CHKB: variants seen among roughly 807,000 people sequenced by gnomAD.
CHKB encodes the protein choline kinase beta.
CHKB carries 45 observed loss-of-function variants against 57.3 expected under a neutral mutation model. The observed-to-expected ratio is 0.79, with a 90% confidence interval of 0.62 to 1.01. The LOEUF is 1.01. Among genes scored for constraint, CHKB ranks in the 50% least tolerant of loss-of-function variants. CHKB has a pLI of 0.00. For missense variants in CHKB, 517 were observed against 502.8 expected, an observed-to-expected ratio of 1.03 and a Z score of -0.27; for synonymous variants, 224 against 201.8, an observed-to-expected ratio of 1.11 and a Z score of -0.93.
rs540889063 is a variant in CHKB at position 50,582,842 on chromosome 22, T to C, written c.-61A>G. Reference sequence around the variant, plus strand: ...CTCCGCTCCCTTCGGACGGGCTCGGTTCCTTCCGGCCGCGCTCGGCTCCTC... The same window carrying C: ...CTCCGCTCCCTTCGGACGGGCTCGGCTCCTTCCGGCCGCGCTCGGCTCCTC... On this transcript the variant is annotated 5_prime_UTR_variant, in exon 1 of 11. Coordinates refer to ENST00000406938, the MANE Select transcript of CHKB (RefSeq NM_005198.5). 26 of 1,288,302 alleles carry C rather than the reference T, an allele frequency of 2.0e-5. No individual in the cohort carries two copies. Among genetic ancestry groups the C allele is most frequent in the Admixed American group, 6.1e-5 (2 of 32,938 alleles). The allele number at this position is 1,288,302 out of a possible 1,614,324, so 79.8% of individuals were successfully genotyped here.
intron 10 of CHKB, 85 bp downstream of exon 10, chr22:50,579,341 G>A (rs768208039): frequency 1.5e-5 from 24 of 1,579,108 alleles, no homozygotes; most frequent in African/African-American, 1.5e-4. Flanking sequence ...ACAGCCACCC[G>A]GGACTCCCCA....
In CHKB at chr22:50,578,964, GGGA is replaced by G. The variant is rs1443507644; in HGVS notation, c.*214_*216del. 2 of 608,420 alleles carry G rather than the reference GGGA, an allele frequency of 3.3e-6. No homozygotes were observed. The highest frequency in any genetic ancestry group is 5.2e-5 in the Admixed American group (2 of 38,294). 37.7% of individuals were successfully genotyped at this position (608,420 alleles called of 1,614,324 possible). ...CTGCTCAGCAGGGCCAGGACAGGGT[GGGA>G]AGAAGAAGCTTGTTTATTGTGTTAC... On this transcript the variant is annotated 3_prime_UTR_variant, in exon 11 of 11. Transcript: ENST00000406938.
chr22:50,582,662 C>G lies in CHKB; in HGVS notation c.120G>C (p.Ser40=), dbSNP rs1367743295. The G allele has an allele frequency of 1.2e-6, 2 of 1,608,746 alleles. No homozygotes were observed. The highest frequency in any genetic ancestry group is 8.5e-7 in the Non-Finnish European group (1 of 1,178,608). Residue 40 remains serine (S), a synonymous_variant, in exon 1 of 11, where the codon TCG becomes TCC. Coordinates refer to ENST00000406938, the MANE Select transcript of CHKB (RefSeq NM_005198.5). The stretch of plus-strand genomic sequence containing the variant: ...CTCGGCGCTCGGCGTCACGCGACAG[C>G]GACGAGGCGCGCCGCCGTTTTGGGG... ...DTTPKRRRAS[S]LSRDAERRAY...
At chr22:50,581,674 G>A (rs890161153) in intron 3 of CHKB, 75 bp downstream of exon 3, 1 of 1,576,202 alleles carries the variant, frequency 6.3e-7, no homozygotes, top group Non-Finnish European at 8.7e-7. Context: ...GGATGTGGAG[G>A]CAGACATTGG....
rs1028826818 is a variant in CHKB at position 50,580,193 on chromosome 22, T to C, written c.815A>G (p.Tyr272Cys). 1.5e-5 allele frequency: 25 copies of C among 1,613,666 alleles called. No homozygotes were observed. The highest frequency in any genetic ancestry group is 2.0e-5 in the Non-Finnish European group (24 of 1,179,898). ...GAAGCCATCTTTCCAGCCTCACCTA[T>C]AGTTATAACTGCTGTACTCGAAGTC... is the stretch of plus-strand genomic sequence containing the variant. ...LVDFEYSSYN[Y>C]RGFDIGNHFC... Residue 272 changes from tyrosine to cysteine, a missense_variant, in exon 7 of 11, where the codon TAT becomes TGT. By Grantham distance (194) the Tyr-to-Cys change is radical (BLOSUM62 -2). Coordinates refer to ENST00000406938, the MANE Select transcript of CHKB (RefSeq NM_005198.5).
rs753737479 is a variant in CHKB, at chr22:50,579,809, G to A, written c.949C>T (p.Leu317=). 8 of 1,613,816 alleles carry A rather than the reference G, an allele frequency of 5.0e-6. No individual in the cohort carries two copies. Among genetic ancestry groups the A allele is most frequent in the South Asian group, 2.2e-5 (2 of 91,078 alleles). The change falls in exon 9 of 11, where the codon CTG becomes TTG. Residue 317 remains leucine, a synonymous_variant. Coordinates refer to ENST00000406938, the MANE Select transcript of CHKB (RefSeq NM_005198.5). The part of the protein sequence containing the change: ...EQQLHFIRHY[L]AEAKKGETLS... ...GTCTCACCTTTCTTTGCCTCTGCCA[G>A]GTAATGACGAATAAAATGCAACTAC...
chr22:50,579,334 G>A, intron 10 of CHKB, 79 bp from the exon 11 acceptor site: 1 of 1,583,604 alleles, frequency 6.3e-7, no homozygotes, highest in South Asian at 1.1e-5. Flanking sequence ...GCTGCCCACA[G>A]CCACCCGGGA....
intron 9 of CHKB, 67 bp downstream of exon 9, chr22:50,579,660 A>G: frequency 1.3e-6 from 2 of 1,520,140 alleles, no homozygotes; most frequent in Non-Finnish European, 1.8e-6. Flanking sequence ...AGCTTGATAA[A>G]TCTGCCTCTT....
Position 50,581,769 on chromosome 22 carries a change from G to C in CHKB, c.427C>G (p.Arg143Gly), listed in dbSNP as rs1208511710. 1 of 1,613,790 alleles carries C rather than the reference G, an allele frequency of 6.2e-7. No homozygotes were observed. The highest frequency in any genetic ancestry group is 1.3e-5 in the African/African-American group (1 of 74,878). Residue 143 changes from arginine to glycine, a missense_variant, in exon 3 of 11, where the codon CGG becomes GGG. Coordinates refer to ENST00000406938, the MANE Select transcript of CHKB (RefSeq NM_005198.5). ...CGTACTGGGATGTACTGTTCCAGCC[G>C]GCCCTCTGGGAAGACTCCGTACAGC... ...PQLYGVFPEG[R>G]LEQYIPSRPL...
intron 10 of CHKB, 24 bp from the exon 11 acceptor site, chr22:50,579,279 A>G (rs527814172): frequency 3.7e-6 from 6 of 1,611,566 alleles, no homozygotes; most frequent in Middle Eastern, 1.7e-4. Flanking sequence ...CCCACCCCAC[A>G]CAGTGGTGAG....
At chr22:50,582,118 C>T in intron 2 of CHKB, 131 bp downstream of exon 2, 1 of 893,670 alleles carries the variant, frequency 1.1e-6, no homozygotes, top group South Asian at 1.5e-5. Flanking sequence ...GCCCAGGCTT[C>T]GGTGTAATGA....
Position 50,579,175 on chromosome 22 carries a change from G to T in CHKB, c.*6C>A. ...CAGGAGAAATCCAAGGAGTGGGAGG[G>T]TGGAGTCAGGATGAGGAGTGGACAC... is the stretch of plus-strand genomic sequence containing the variant. On this transcript the variant is annotated 3_prime_UTR_variant, in exon 11 of 11. Coordinates refer to ENST00000406938, the MANE Select transcript of CHKB (RefSeq NM_005198.5). 2 of 1,613,076 alleles carry T rather than the reference G, an allele frequency of 1.2e-6. No homozygotes were observed. Among genetic ancestry groups the T allele is most frequent in the Non-Finnish European group, 1.7e-6 (2 of 1,179,432 alleles).
At chr22:50,582,535 G>A (rs1281476336) in intron 1 of CHKB, 23 bp downstream of exon 1, 3 of 1,596,048 alleles carry the variant, frequency 1.9e-6, no homozygotes, top group Non-Finnish European at 2.6e-6. Flanking sequence ...GCGCACCGGA[G>A]AGGCTGACCC....
chr22:50,581,302 T>G (rs1167474103), intron 4 of CHKB, 118 bp downstream of exon 4: 13 of 1,342,988 alleles, frequency 9.7e-6, no homozygotes, highest in Non-Finnish European at 1.2e-5. Flanking sequence ...GCCTGTTCTG[T>G]GACAGCCCAT....
Position 50,582,732 on chromosome 22 carries a change from C to T in CHKB, c.50G>A (p.Cys17Tyr). Residue 17 changes from cysteine (C) to tyrosine (Y), a missense_variant, in exon 1 of 11, where the codon TGC becomes TAC. Transcript: ENST00000406938. Reference protein sequence around the residue: ...AVAGSGAVGGCLAKDGLQQSK... With the variant: ...AVAGSGAVGGYLAKDGLQQSK... ...CTGCTGCAAGCCGTCTTTGGCCAGG[C>T]AGCCGCCAACAGCCCCGCTTCCGGC... The T allele has an allele frequency of 6.2e-7, 1 of 1,600,730 alleles. No homozygotes were observed. Among genetic ancestry groups the T allele is most frequent in the Non-Finnish European group, 8.5e-7 (1 of 1,174,918 alleles).
intron 7 of CHKB, 44 bp from the exon 8 acceptor site, chr22:50,580,126 A>G: frequency 6.2e-7 from 1 of 1,613,136 alleles, no homozygotes; most frequent in Admixed American, 1.7e-5. Context: ...TGCCCTGGGC[A>G]GCTGGCCTGT....
At position 50,582,573 on chromosome 22, in the gene CHKB, C is replaced by T. The variant is rs749686701; in HGVS notation, c.209G>A (p.Arg70Lys). The change falls in exon 1 of 11, where the codon AGG becomes AAG. Residue 70 changes from arginine to lysine, a missense_variant. Arg to Lys is a conservative substitution (Grantham distance 26). Coordinates refer to ENST00000406938, the MANE Select transcript of CHKB (RefSeq NM_005198.5). Reference protein sequence around the residue: ...AWRRVQPEELRVYPVSGGLSN... With the variant: ...AWRRVQPEELKVYPVSGGLSN... ...GACCTCCCACCTCACGGGGTAAACCCTCAGCTCCTCGGGCTGCACTCGGCG... is the reference window on the plus strand; with the variant it reads ...GACCTCCCACCTCACGGGGTAAACCTTCAGCTCCTCGGGCTGCACTCGGCG... 1.2e-6 allele frequency: 2 copies of T among 1,609,888 alleles called. No homozygotes were observed. Among genetic ancestry groups the T allele is most frequent in the Non-Finnish European group, 1.7e-6 (2 of 1,178,676 alleles).
intron 1 of CHKB, 64 bp from the exon 2 acceptor site, chr22:50,582,421 C>CT: frequency 6.8e-7 from 1 of 1,474,898 alleles, no homozygotes. Context: ...CCCCGGCCCC[C>CT]TCCCGGCCAG....
Position 50,581,816 on chromosome 22 carries a change from G to T in CHKB, c.380C>A (p.Ala127Glu), listed in dbSNP as rs753195116. Reference sequence around the variant, plus strand: ...CAGCTGGGGCCCCAGCGACCGCTCCGCAAGTATGGCGAACATCACGCTTTC... The same window carrying T: ...CAGCTGGGGCCCCAGCGACCGCTCCTCAAGTATGGCGAACATCACGCTTTC... ...VLESVMFAIL[A>E]ERSLGPQLYG... Residue 127 changes from alanine to glutamate, a missense_variant, in exon 3 of 11, where the codon GCG (alanine) becomes GAG (glutamate). By Grantham distance (107) the Ala-to-Glu change is moderately radical. Transcript: ENST00000406938. 6.2e-7 allele frequency: 1 copy of T among 1,613,828 alleles called. No homozygotes were observed. Among genetic ancestry groups the T allele is most frequent in the Admixed American group, 1.7e-5 (1 of 60,020 alleles).
Sources: allele counts gnomAD v4.1 joint callset, GRCh38; gene constraint gnomAD v4.1.1; transcripts MANE v1.5; gene names NCBI Gene and HGNC (gene_info 2026-07-23, HGNC 2026-07-21).